PARD3B: variants seen among roughly 807,000 people sequenced by gnomAD.
The protein encoded by PARD3B is partitioning defective 3 homolog B.
A neutral mutation model predicts 130.2 loss-of-function variants in PARD3B; 103 were observed. The ratio of observed to expected loss-of-function variants is 0.79; its 90% confidence interval spans 0.67 to 0.93. The LOEUF is 0.93. PARD3B is among the 40% of genes least tolerant of loss of function. The pLI, the probability that PARD3B is intolerant of heterozygous loss-of-function variation, is 0.00. For missense variants in PARD3B, 1,609 were observed against 1,499.2 expected (o/e 1.07, Z -1.21); for synonymous variants, 583 against 553.2 (o/e 1.05, Z -0.76).
intron 18 of PARD3B, among the ~76,000 whole-genome samples, chr2:205,393,510 C>T (rs953625379): frequency 4.6e-5 from 7 of 152,194 alleles, no homozygotes; most frequent in African/African-American, 1.2e-4. Context: ...CACCCAAAGA[C>T]GTTTCCTGAT....
At chr2:205,087,378 T>C (rs548574542) in intron 4 of PARD3B, among the ~76,000 whole-genome samples, 1 of 152,310 alleles carries the variant, frequency 6.6e-6, no homozygotes, top group East Asian at 1.9e-4. Context: ...TTTATACCAA[T>C]CAAATTACAG....
At chr2:204,751,754 G>C (rs2040475899) in intron 2 of PARD3B, among the ~76,000 whole-genome samples, 1 of 152,160 alleles carries the variant, frequency 6.6e-6, no homozygotes, top group Non-Finnish European at 1.5e-5. Flanking sequence ...AACTGTCATG[G>C]ATGTAGTTGA....
intron 18 of PARD3B, among the ~76,000 whole-genome samples, chr2:205,373,797 A>G (rs1390731093): frequency 6.6e-6 from 1 of 152,230 alleles, no homozygotes. Context: ...CCTTCATTCC[A>G]TGTGACCACA....
At chr2:205,064,592 A>G (rs1331799245) in intron 4 of PARD3B, among the ~76,000 whole-genome samples, 3 of 152,148 alleles carry the variant, frequency 2.0e-5, no homozygotes, top group African/African-American at 7.2e-5. Context: ...CAGTGGGAGA[A>G]GAGCAGTTTT....
intron 2 of PARD3B, among the ~76,000 whole-genome samples, chr2:204,874,784 A>G (rs146023621): frequency 3.3e-5 from 5 of 152,264 alleles, no homozygotes; most frequent in African/African-American, 1.2e-4. Flanking sequence ...TGATTTCTAT[A>G]ATATCACCCT....
intron 20 of PARD3B, among the ~76,000 whole-genome samples, chr2:205,447,939 C>G (rs1000193060): frequency 6.6e-6 from 1 of 152,212 alleles, no homozygotes; most frequent in Non-Finnish European, 1.5e-5. Flanking sequence ...GACACAGCAT[C>G]TAAGCCTCAT....
intron 18 of PARD3B, among the ~76,000 whole-genome samples, chr2:205,318,196 A>T: frequency 6.6e-6 from 1 of 152,138 alleles, no homozygotes; most frequent in Non-Finnish European, 1.5e-5. Flanking sequence ...TTTGAACTCT[A>T]GTCAATGTAT....
At chr2:205,033,752 A>ATG (rs1485218832) in intron 3 of PARD3B, among the ~76,000 whole-genome samples, 11 of 152,200 alleles carry the variant, frequency 7.2e-5, no homozygotes, top group African/African-American at 2.7e-4. Flanking sequence ...TTATCCCTTT[A>ATG]GCTATTCCAT....
intron 20 of PARD3B, among the ~76,000 whole-genome samples, chr2:205,466,433 A>G (rs2048625654): frequency 6.6e-6 from 1 of 152,108 alleles, no homozygotes; most frequent in Non-Finnish European, 1.5e-5. Flanking sequence ...ATTAGTGTCC[A>G]TGCTTTGACC....
At chr2:204,963,086 C>T (rs1244578375) in intron 2 of PARD3B, among the ~76,000 whole-genome samples, 4 of 152,130 alleles carry the variant, frequency 2.6e-5, no homozygotes, top group African/African-American at 9.7e-5. Context: ...TTTTGGAAAA[C>T]AGCTACAGTA....
At chr2:205,003,112 C>G (rs1158203842) in intron 3 of PARD3B, among the ~76,000 whole-genome samples, 1 of 152,074 alleles carries the variant, frequency 6.6e-6, no homozygotes, top group Non-Finnish European at 1.5e-5. Flanking sequence ...GCTCCTGGTC[C>G]CCTTCCATCT....
intron 2 of PARD3B, among the ~76,000 whole-genome samples, chr2:204,934,858 C>G (rs554157511): frequency 6.6e-6 from 1 of 152,248 alleles, no homozygotes; most frequent in African/African-American, 2.4e-5. Context: ...GTATATCCAT[C>G]AAAGTTTTCC....
chr2:205,091,865 A>AGC lies in PARD3B; in HGVS notation c.505-12561_505-12560insGC, dbSNP rs1702130026. On this transcript the variant is annotated intron_variant, in intron 4 of 22. Transcript: ENST00000406610. This position sits in a 1 kb window ranked among gnomAD's most constrained non-coding sequence, Gnocchi z 4.2. ...AGTGTATACATTTTTTCATCTCTGTATCTCCAGTGCTTAGCACTGGAGCAA... is the reference window on the plus strand; with the variant it reads ...AGTGTATACATTTTTTCATCTCTGTAGCTCTCCAGTGCTTAGCACTGGAGCAA... 6.6e-6 allele frequency among the ~76,000 whole-genome samples: 1 copy of AGC among 152,108 alleles called. No individual in the cohort carries two copies. The highest frequency in any genetic ancestry group is 1.5e-5 in the Non-Finnish European group (1 of 68,028).
chr2:205,556,379 C>G (rs79935952), intron 22 of PARD3B, among the ~76,000 whole-genome samples: 2,039 of 152,250 alleles, frequency 0.013, 62 homozygotes, highest in South Asian at 0.12. Context: ...TGCTCCACAG[C>G]ACATGGAGTA....
At position 205,473,684 on chromosome 2, in the gene PARD3B, G is replaced by GTGTGTT. The variant is rs1371082311; in HGVS notation, c.3045-26211_3045-26210insGTGTTT. ...TGTGTGTGTGTGTGTGTGTGTGTAT[G>GTGTGTT]TATATATATATATATATATATATAT... On this transcript the variant is annotated intron_variant, in intron 20 of 22. Coordinates refer to ENST00000406610, the MANE Select transcript of PARD3B (RefSeq NM_001302769.2). This position sits in a 1 kb window ranked among gnomAD's most constrained non-coding sequence, Gnocchi z 4.9. Among the ~76,000 whole-genome samples, 1 of 114,622 alleles carries GTGTGTT rather than the reference G, an allele frequency of 8.7e-6. No individual in the cohort carries two copies. Among genetic ancestry groups the GTGTGTT allele is most frequent in the African/African-American group, 3.7e-5 (1 of 27,392 alleles). The allele number at this position is 114,622 out of a possible 152,430, so 75.2% of individuals were successfully genotyped here.
At chr2:205,001,662 A>C (rs1266240828) in intron 3 of PARD3B, among the ~76,000 whole-genome samples, 1 of 152,166 alleles carries the variant, frequency 6.6e-6, no homozygotes, top group East Asian at 1.9e-4. Context: ...TTTGCTGTTC[A>C]CTCATTGATC....
chr2:204,548,028 C>G (rs1446418707), intron 1 of PARD3B, among the ~76,000 whole-genome samples: 1 of 152,078 alleles, frequency 6.6e-6, no homozygotes, highest in Non-Finnish European at 1.5e-5. Flanking sequence ...CTCTTATTTT[C>G]ACTTTTAAAA....
chr2:204,894,659 T>G (rs2046579140), intron 2 of PARD3B, among the ~76,000 whole-genome samples: 2 of 152,052 alleles, frequency 1.3e-5, no homozygotes, highest in African/African-American at 4.8e-5. Flanking sequence ...AATAAAGAAA[T>G]AAACACTGTA....
At chr2:204,567,222 C>T (rs1165652151) in intron 1 of PARD3B, among the ~76,000 whole-genome samples, 5 of 152,068 alleles carry the variant, frequency 3.3e-5, no homozygotes, top group Non-Finnish European at 5.9e-5. Context: ...TTCGTTAAAA[C>T]GTACATAACA....
Sources: gnomAD v4.1 joint callset for allele counts (sites outside exome capture counted in the v4.1 genomes callset) on GRCh38, gnomAD v4.1.1 for gene constraint, Gnocchi (gnomAD v3.1) non-coding constraint, MANE v1.5 for transcripts, NCBI Gene and HGNC (gene_info 2026-07-23, HGNC 2026-07-21) for gene names.